The following LARP4 variants were observed in gnomAD, a reference collection of about 807,000 sequenced individuals.
LARP4 encodes the protein La ribonucleoprotein 4, also known as la-related protein 4.
A neutral mutation model predicts 92.9 loss-of-function variants in LARP4; 29 were observed. The ratio of observed to expected loss-of-function variants is 0.31; its 90% CI spans 0.23 to 0.43. The LOEUF is 0.43. LARP4 is among the 20% of genes least tolerant of loss of function. The pLI, the probability that LARP4 is intolerant of heterozygous loss-of-function variation, is 1.00. For missense variants in LARP4, 732 were observed against 860.0 expected (o/e 0.85, Z 1.86); for synonymous variants, 279 against 284.1 (o/e 0.98, Z 0.18).
intron 10 of LARP4, among the ~76,000 whole-genome samples, chr12:50,460,683 G>A (rs1475128659): frequency 6.6e-6 from 1 of 151,940 alleles, no homozygotes; most frequent in Non-Finnish European, 1.5e-5. Context: ...GCTCACACCT[G>A]TAATCCCAGC....
At position 50,455,619 on chromosome 12, in the gene LARP4, T is replaced by G. The variant is rs1048471897; in HGVS notation, c.1121+1202T>G. Among the ~76,000 whole-genome samples, 10 of 152,266 alleles carry G rather than the reference T, an allele frequency of 6.6e-5. No individual in the cohort carries two copies. The South Asian group carries it at 8.3e-4, about 13-fold the overall frequency. On this transcript the variant is annotated intron_variant, in intron 10 of 15. Coordinates refer to ENST00000398473, the MANE Select transcript of LARP4 (RefSeq NM_052879.5). ...GGAACTTAGTCCTTTTTTGACAGGT[T>G]TTTCTGAAACTTGTTTTACTGGAGA...
chr12:50,430,941 C>T (rs1949558148), intron 4 of LARP4, among the ~76,000 whole-genome samples: 3 of 152,106 alleles, frequency 2.0e-5, no homozygotes, highest in South Asian at 4.1e-4. Flanking sequence ...GGATTACAGG[C>T]GTATGGCACC....
intron 15 of LARP4, 42 bp downstream of exon 15, chr12:50,474,209 G>T: frequency 7.0e-7 from 1 of 1,430,094 alleles, no homozygotes. Context: ...AAATACAATA[G>T]ATTAGATTTT....
At chr12:50,420,501 TATATC>T (rs1947563913) in intron 1 of LARP4, among the ~76,000 whole-genome samples, 1 of 152,216 alleles carries the variant, frequency 6.6e-6, no homozygotes, top group African/African-American at 2.4e-5. Context: ...AGATCCCAGT[TATATC>T]AGATAAAAAA....
intron 1 of LARP4, among the ~76,000 whole-genome samples, chr12:50,421,091 A>G (rs561892585): frequency 1.2e-4 from 18 of 150,418 alleles, no homozygotes; most frequent in Admixed American, 4.7e-4. Context: ...CTGGGACTGC[A>G]GGTGCATGCC....
intron 5 of LARP4, among the ~76,000 whole-genome samples, chr12:50,436,296 C>T (rs911983057): frequency 4.0e-5 from 6 of 151,468 alleles, no homozygotes; most frequent in Non-Finnish European, 8.8e-5. Flanking sequence ...GAATTACAGG[C>T]GTGAGCCACC....
Position 50,475,565 on chromosome 12 carries a change from C to T in LARP4, c.1876C>T (p.Pro626Ser), listed in dbSNP as rs1957455992. ...KLSYAEVCQK[P>S]PKEPSSVLVQ... The stretch of plus-strand genomic sequence containing the variant: ...AAGTTATGCTGAAGTGTGCCAGAAG[C>T]CCCCTAAAGAGCCATCTTCAGTTCT... The change falls in exon 16 of 16, where the codon CCC becomes TCC. Residue 626 changes from proline (P) to serine (S), a missense_variant. This residue lies in a region of LARP4 where 115 missense variants were observed against 129.1 expected (regional missense o/e 0.89). Coordinates refer to ENST00000398473, the MANE Select transcript of LARP4 (RefSeq NM_052879.5). 1.2e-6 allele frequency: 2 copies of T among 1,613,620 alleles called. No individual in the cohort carries two copies. The highest frequency in any genetic ancestry group is 2.2e-5 in the South Asian group (2 of 91,068).
At chr12:50,407,106 A>T (rs1256683888) in intron 1 of LARP4, among the ~76,000 whole-genome samples, 1 of 151,196 alleles carries the variant, frequency 6.6e-6, no homozygotes, top group Non-Finnish European at 1.5e-5. Flanking sequence ...GCTCACTGCA[A>T]CCTCCGCCTC....
chr12:50,438,858 G>A (rs915989519), intron 6 of LARP4, among the ~76,000 whole-genome samples: 14 of 152,126 alleles, frequency 9.2e-5, no homozygotes, highest in African/African-American at 3.1e-4. Context: ...AAGTTGCCAT[G>A]ATAAGGTGAT....
At chr12:50,475,455 A>G in intron 15 of LARP4, 71 bp from the exon 16 acceptor site, 2 of 1,308,806 alleles carry the variant, frequency 1.5e-6, no homozygotes, top group African/African-American at 3.0e-5. Flanking sequence ...TATGGTTAAC[A>G]CAATCATTTT....
Position 50,437,740 on chromosome 12 carries a change from C to G in LARP4, c.541C>G (p.Pro181Ala), listed in dbSNP as rs1266078613. The change falls in exon 6 of 16, where the codon CCC becomes GCC. Residue 181 changes from proline (P) to alanine (A), a missense_variant. Transcript: ENST00000398473. ...CCCTTTCTTTTAAATTTCAGCTTCT[C>G]CCATGGTACAAGTTGATGAGAAGGG... ...DLILEVLRSSPMVQVDEKGEK... is the reference protein window; with the variant it reads ...DLILEVLRSSAMVQVDEKGEK... 2 of 1,598,256 alleles carry G rather than the reference C, an allele frequency of 1.3e-6. No individual in the cohort carries two copies. Among genetic ancestry groups the G allele is most frequent in the East Asian group, 2.2e-5 (1 of 44,720 alleles).
intron 13 of LARP4, among the ~76,000 whole-genome samples, chr12:50,469,959 C>T (rs1276970118): frequency 6.6e-6 from 1 of 151,738 alleles, no homozygotes; most frequent in Non-Finnish European, 1.5e-5. Context: ...TTGGCTCATA[C>T]CTGTAATCCC....
At chr12:50,445,983 GTTTTCTTTTTTTCTT>G (rs1201996706) in intron 8 of LARP4, among the ~76,000 whole-genome samples, 5 of 146,280 alleles carry the variant, frequency 3.4e-5, no homozygotes, top group African/African-American at 1.0e-4. Flanking sequence ...TTTCATTGCC[GTTTTCTTTTTTTCTT>G]TTTTCTTTTT....
chr12:50,420,624 A>G (rs146543801), intron 1 of LARP4, among the ~76,000 whole-genome samples: 6 of 152,362 alleles, frequency 3.9e-5, no homozygotes, highest in Admixed American at 2.6e-4. Flanking sequence ...CTTGTTAGCC[A>G]TAGTATAAAC....
At chr12:50,425,443 A>C (rs1644952708) in intron 1 of LARP4, among the ~76,000 whole-genome samples, 1 of 152,212 alleles carries the variant, frequency 6.6e-6, no homozygotes, top group South Asian at 2.1e-4. Flanking sequence ...GGAGAGAATA[A>C]GTATGTAAAT....
At chr12:50,421,816 T>C (rs1947853185) in intron 1 of LARP4, among the ~76,000 whole-genome samples, 1 of 152,196 alleles carries the variant, frequency 6.6e-6, no homozygotes. Context: ...GTAATCATTG[T>C]GTGGTTAATC....
intron 6 of LARP4, among the ~76,000 whole-genome samples, chr12:50,438,381 C>T (rs1950732971): frequency 6.6e-6 from 1 of 151,560 alleles, no homozygotes; most frequent in African/African-American, 2.4e-5. Flanking sequence ...CCTGTAATCC[C>T]AGCTACTTGA....
At chr12:50,461,586 T>C (rs1593360082) in intron 11 of LARP4, 3 of 427,356 alleles carry the variant, frequency 7.0e-6, no homozygotes, top group Middle Eastern at 1.4e-3. Flanking sequence ...AAGTTCCTTA[T>C]AGCTCATATA....
At chr12:50,401,103 A>C (rs181072587) in intron 1 of LARP4, 75 bp downstream of exon 1, 1 of 1,561,596 alleles carries the variant, frequency 6.4e-7, no homozygotes, top group Non-Finnish European at 8.8e-7. Context: ...TCCCACCGCC[A>C]TGTGACTTTC....
Sources: gnomAD v4.1 joint callset for allele counts (sites outside exome capture counted in the v4.1 genomes callset) on GRCh38, gnomAD v4.1.1 for gene constraint, gnomAD v4.1.1 regional missense constraint, MANE v1.5 for transcripts, NCBI Gene and HGNC (gene_info 2026-07-23, HGNC 2026-07-21) for gene names.